The following CLOCK variants were observed in gnomAD, a reference collection of about 807,000 sequenced individuals.
The protein encoded by CLOCK is circadian locomoter output cycles protein kaput.
Under a neutral mutation model 118.4 loss-of-function variants are expected in CLOCK, and 43 were observed. The observed-to-expected ratio is 0.36, with a 90% CI of 0.28 to 0.47. CLOCK has a LOEUF of 0.47. CLOCK is among the 20% of genes least tolerant of loss of function. The pLI is 1.00. For missense variants in CLOCK, 846 were observed against 999.9 expected, an observed-to-expected ratio of 0.85 and a Z score of 2.08; for synonymous variants, 326 against 339.2, an observed-to-expected ratio of 0.96 and a Z score of 0.43.
chr4:55,542,179 T>C (rs1272614476), intron 1 of CLOCK, among the ~76,000 whole-genome samples: 3 of 151,208 alleles, frequency 2.0e-5, no homozygotes, highest in Non-Finnish European at 2.9e-5. Context: ...CGTTGTCTAC[T>C]AAAAATACAA....
At chr4:55,535,739 CTTT>C (rs758384802) in intron 1 of CLOCK, among the ~76,000 whole-genome samples, 5 of 124,126 alleles carry the variant, frequency 4.0e-5, no homozygotes, top group Admixed American at 8.5e-5. Flanking sequence ...ATGGGAGAAT[CTTT>C]TTTTTTTTTT....
Position 55,442,545 on chromosome 4 carries a change from A to C in CLOCK, c.1992T>G (p.Thr664=). Residue 664 remains threonine, a synonymous_variant, in exon 21 of 23, where the codon ACT becomes ACG. Coordinates refer to ENST00000513440, the MANE Select transcript of CLOCK (RefSeq NM_004898.4). ...QSTLTAPLYN[T]MVISQPAAGS... ...CGGCTGCAGGCTGAGAAATCACCAT[A>C]GTGTTATACAGTGGGGCTGTAAGAG... 1 of 1,610,766 alleles carries C rather than the reference A, an allele frequency of 6.2e-7. No homozygotes were observed. The highest frequency in any genetic ancestry group is 8.5e-7 in the Non-Finnish European group (1 of 1,179,492).
At chr4:55,504,297 A>AAC (rs1728654376) in intron 2 of CLOCK, among the ~76,000 whole-genome samples, 1 of 150,738 alleles carries the variant, frequency 6.6e-6, no homozygotes, top group East Asian at 1.9e-4. Flanking sequence ...AAAAAAAAAA[A>AAC]AAAAAAAAAA....
rs1722754087 is a variant in CLOCK at position 55,434,818 on chromosome 4, A to G, written c.*597T>C. 2 of 157,414 alleles carry G rather than the reference A, an allele frequency of 1.3e-5. No homozygotes were observed. Among genetic ancestry groups the G allele is most frequent in the South Asian group, 1.9e-4 (1 of 5,280 alleles). The allele number at this position is 157,414 out of a possible 1,614,324, so 9.8% of individuals were successfully genotyped here. ...AGATAACGCTTTCATGCAGCATACA[A>G]AATGTTTTGCTTTCTCTCCTTTTAT... On this transcript the variant is annotated 3_prime_UTR_variant, in exon 23 of 23. Coordinates refer to ENST00000513440, the MANE Select transcript of CLOCK (RefSeq NM_004898.4).
intron 18 of CLOCK, among the ~76,000 whole-genome samples, 168 bp downstream of exon 18, chr4:55,448,597 CGCGCGTGTGTGTGT>C (rs374624898): frequency 4.1e-5 from 3 of 72,916 alleles, no homozygotes; most frequent in African/African-American, 6.8e-5. Context: ...CGCGCGCACG[CGCGCGTGTGTGTGT>C]GTGTGTGTGT....
intron 1 of CLOCK, among the ~76,000 whole-genome samples, chr4:55,524,096 T>C (rs948968347): frequency 2.0e-5 from 3 of 151,770 alleles, no homozygotes; most frequent in African/African-American, 7.3e-5. Flanking sequence ...CATCAGAAAA[T>C]ATTCATACCC....
intron 1 of CLOCK, among the ~76,000 whole-genome samples, chr4:55,533,123 C>T (rs1238601849): frequency 6.6e-6 from 1 of 151,880 alleles, no homozygotes; most frequent in Non-Finnish European, 1.5e-5. Flanking sequence ...GAAACAAAAC[C>T]ATCCTAAAAT....
chr4:55,499,339 G>A (rs909275369), intron 2 of CLOCK, among the ~76,000 whole-genome samples: 5 of 152,106 alleles, frequency 3.3e-5, no homozygotes, highest in Non-Finnish European at 7.4e-5. Context: ...TGGCACCAGC[G>A]ACTGGTTTCA....
chr4:55,503,978 T>TAAAAGAAAAAAAAAAAAAAAAAAA (rs1553900254), intron 2 of CLOCK, among the ~76,000 whole-genome samples: 2 of 71,128 alleles, frequency 2.8e-5, no homozygotes, highest in Admixed American at 2.3e-4. Flanking sequence ...CAAAAAGAGG[T>TAAAAGAAAAAAAAAAAAAAAAAAA]AAAAAAAAAA....
intron 1 of CLOCK, among the ~76,000 whole-genome samples, chr4:55,519,435 C>T (rs1729720286): frequency 6.6e-6 from 1 of 152,030 alleles, no homozygotes; most frequent in Admixed American, 6.6e-5. Context: ...GTGCTAAGAC[C>T]CTGACTATAG....
chr4:55,459,989 G>A (rs751980940), intron 9 of CLOCK, among the ~76,000 whole-genome samples: 7 of 152,102 alleles, frequency 4.6e-5, no homozygotes, highest in Non-Finnish European at 8.8e-5. Flanking sequence ...ATTTGCTCAC[G>A]TCTTCCATCT....
chr4:55,516,833 C>T (rs1432574302), intron 1 of CLOCK, among the ~76,000 whole-genome samples: 2 of 152,028 alleles, frequency 1.3e-5, no homozygotes, highest in Non-Finnish European at 1.5e-5. Flanking sequence ...TCTTGGTATA[C>T]TTTTTTGCTT....
intron 1 of CLOCK, among the ~76,000 whole-genome samples, chr4:55,543,777 C>T (rs1319916976): frequency 8.8e-6 from 1 of 113,826 alleles, no homozygotes; most frequent in Non-Finnish European, 1.9e-5. Flanking sequence ...ACTCCGTCTC[C>T]AAAAAAAAAA....
chr4:55,540,086 C>T (rs1295187561), intron 1 of CLOCK, among the ~76,000 whole-genome samples: 2 of 150,430 alleles, frequency 1.3e-5, no homozygotes, highest in South Asian at 2.1e-4. Context: ...CTGCTCACTG[C>T]AACCTCTGCC....
chr4:55,459,778 T>C (rs1725196142), intron 9 of CLOCK, among the ~76,000 whole-genome samples: 1 of 152,144 alleles, frequency 6.6e-6, no homozygotes, highest in African/African-American at 2.4e-5. Context: ...GCCCCCTGCC[T>C]CAGCCTCCCA....
intron 2 of CLOCK, among the ~76,000 whole-genome samples, chr4:55,504,085 C>T (rs1197078826): frequency 1.3e-5 from 2 of 148,562 alleles, no homozygotes; most frequent in African/African-American, 4.9e-5. Flanking sequence ...GAGATCGAGA[C>T]CATCCTGGCT....
At chr4:55,494,277 T>C in intron 2 of CLOCK, among the ~76,000 whole-genome samples, 1 of 152,128 alleles carries the variant, frequency 6.6e-6, no homozygotes, top group South Asian at 2.1e-4. Context: ...GAGGGAGCCC[T>C]GTGGTAGGCA....
At chr4:55,477,955 G>A (rs987667510) in intron 6 of CLOCK, among the ~76,000 whole-genome samples, 2 of 152,016 alleles carry the variant, frequency 1.3e-5, no homozygotes, top group Non-Finnish European at 2.9e-5. Context: ...GCTTTATTGA[G>A]GGATAGGAAG....
intron 2 of CLOCK, among the ~76,000 whole-genome samples, chr4:55,506,439 G>A (rs1229803550): frequency 6.6e-6 from 1 of 151,530 alleles, no homozygotes; most frequent in Non-Finnish European, 1.5e-5. Context: ...AACCATATAG[G>A]GAAGTTCCAT....
Sources: gnomAD v4.1 joint callset for allele counts (sites outside exome capture counted in the v4.1 genomes callset) on GRCh38, gnomAD v4.1.1 for gene constraint, MANE v1.5 for transcripts, NCBI Gene and HGNC (gene_info 2026-07-23, HGNC 2026-07-21) for gene names.